ATL2: variants seen among roughly 807,000 people sequenced by gnomAD.
The protein encoded by ATL2 is atlastin-2.
A neutral mutation model predicts 73.9 loss-of-function variants in ATL2; 31 were observed. That is an observed-to-expected ratio of 0.42 (90% confidence interval 0.32 to 0.57). The LOEUF is 0.57. Among genes scored for constraint, ATL2 ranks in the 20% least tolerant of loss-of-function variants. The pLI, the probability that ATL2 is intolerant of heterozygous loss-of-function variation, is 0.14. For missense variants in ATL2, 738 were observed against 702.6 expected (o/e 1.05, Z -0.57); for synonymous variants, 291 against 237.5 (o/e 1.23, Z -2.07).
At chr2:38,320,166 A>T (rs1329615029) in intron 2 of ATL2, among the ~76,000 whole-genome samples, 1 of 152,242 alleles carries the variant, frequency 6.6e-6, no homozygotes. Flanking sequence ...TTGGAGCCTG[A>T]TTTAAACAAA....
At chr2:38,324,879 G>T (rs145199033) in intron 2 of ATL2, among the ~76,000 whole-genome samples, 1 of 152,176 alleles carries the variant, frequency 6.6e-6, no homozygotes, top group Non-Finnish European at 1.5e-5. Flanking sequence ...CAGGGGATTG[G>T]GGAGAGAAAT....
chr2:38,367,609 AAAAAAAACCGC>A (rs1671411741), intron 1 of ATL2, among the ~76,000 whole-genome samples: 3 of 147,624 alleles, frequency 2.0e-5, no homozygotes, highest in Non-Finnish European at 3.0e-5. Context: ...AAAAAAAAAA[AAAAAAAACCGC>A]CCATTTAAAA....
chr2:38,334,899 T>A (rs1478912222), intron 2 of ATL2, among the ~76,000 whole-genome samples: 6 of 112,704 alleles, frequency 5.3e-5, no homozygotes, highest in Non-Finnish European at 1.0e-4. Flanking sequence ...ATAATATATA[T>A]TATTTATAAT....
chr2:38,321,169 T>G (rs755962161), intron 2 of ATL2, among the ~76,000 whole-genome samples: 1 of 151,882 alleles, frequency 6.6e-6, no homozygotes, highest in Non-Finnish European at 1.5e-5. Context: ...AGAGACTGTC[T>G]CAAACAAAAC....
At chr2:38,360,128 CAAA>C (rs755582696) in intron 1 of ATL2, among the ~76,000 whole-genome samples, 2,607 of 81,970 alleles carry the variant, frequency 0.032, 85 homozygotes, top group South Asian at 0.23. Flanking sequence ...GGCTCCATTT[CAAA>C]AAAAAAAAAA....
chr2:38,302,084 G>C (rs1667219677), intron 9 of ATL2, among the ~76,000 whole-genome samples: 1 of 152,184 alleles, frequency 6.6e-6, no homozygotes, highest in African/African-American at 2.4e-5. Flanking sequence ...CACACCCTGG[G>C]CTGGAAGGGA....
chr2:38,293,989 A>C lies in ATL2; in HGVS notation c.*2005T>G, dbSNP rs1240397222. 6.6e-6 allele frequency among the ~76,000 whole-genome samples: 1 copy of C among 152,254 alleles called. No homozygotes were observed. Among genetic ancestry groups the C allele is most frequent in the East Asian group, 1.9e-4 (1 of 5,202 alleles). ...AAAGTAAGCTGTCTTTAATTTCAGA[A>C]AATCTGCTATTATACAACAAATTAT... On this transcript the variant is annotated 3_prime_UTR_variant, in exon 13 of 13. Coordinates refer to ENST00000378954, the MANE Select transcript of ATL2 (RefSeq NM_001135673.4).
intron 9 of ATL2, among the ~76,000 whole-genome samples, chr2:38,306,592 T>C (rs1021883708): frequency 6.6e-6 from 1 of 152,078 alleles, no homozygotes; most frequent in Non-Finnish European, 1.5e-5. Flanking sequence ...AATCAATCAA[T>C]CAATCAGTCA....
chr2:38,300,347 T>C lies in ATL2; in HGVS notation c.1072-19A>G. On this transcript the variant is annotated intron_variant, in intron 9 of 12. Coordinates refer to ENST00000378954, the MANE Select transcript of ATL2 (RefSeq NM_001135673.4). ...TGTAAGCCTAAAAAGGGAGAAGATT[T>C]GTTAGACTGACGGATTATGCAATTT... 6.3e-7 allele frequency: 1 copy of C among 1,586,146 alleles called. No homozygotes were observed. The highest frequency in any genetic ancestry group is 8.7e-7 in the Non-Finnish European group (1 of 1,155,224).
intron 12 of ATL2, among the ~76,000 whole-genome samples, chr2:38,296,922 T>C (rs1433250819): frequency 6.6e-6 from 1 of 152,220 alleles, no homozygotes; most frequent in African/African-American, 2.4e-5. Context: ...ATTGTACAAT[T>C]ATTGAAAATT....
chr2:38,366,182 A>C (rs1449733315), intron 1 of ATL2, among the ~76,000 whole-genome samples: 6 of 152,150 alleles, frequency 3.9e-5, no homozygotes, highest in African/African-American at 1.4e-4. Flanking sequence ...ATTTGAGGGT[A>C]CATGACAGGA....
At chr2:38,377,858 TC>T (rs1404329326), upstream of ATL2, among the ~76,000 whole-genome samples, 5 of 145,750 alleles carry the variant, frequency 3.4e-5, no homozygotes, top group East Asian at 2.1e-4. Context: ...TTGCTTCCCC[TC>T]CCCCCCACCA....
intron 2 of ATL2, among the ~76,000 whole-genome samples, chr2:38,335,768 G>A (rs528543891): frequency 6.6e-6 from 1 of 152,160 alleles, no homozygotes; most frequent in East Asian, 1.9e-4. Context: ...TAGGCCGGGC[G>A]CGGTGGCTCA....
At chr2:38,361,579 A>G (rs1671019156) in intron 1 of ATL2, among the ~76,000 whole-genome samples, 1 of 152,190 alleles carries the variant, frequency 6.6e-6, no homozygotes, top group Non-Finnish European at 1.5e-5. Context: ...TCAACTGCAC[A>G]GTAACATTTT....
At chr2:38,363,306 T>A (rs1056300811) in intron 1 of ATL2, among the ~76,000 whole-genome samples, 1 of 149,028 alleles carries the variant, frequency 6.7e-6, no homozygotes, top group Non-Finnish European at 1.5e-5. Context: ...TGAATTCTTA[T>A]ATGCTCAGTA....
chr2:38,299,396 A>C, intron 10 of ATL2, 69 bp from the exon 11 acceptor site: 1 of 1,431,588 alleles, frequency 7.0e-7, no homozygotes, highest in South Asian at 1.5e-5. Context: ...GATTAACACA[A>C]TAAGTTATGT....
At chr2:38,346,733 C>T (rs764782034) in intron 1 of ATL2, among the ~76,000 whole-genome samples, 10 of 152,158 alleles carry the variant, frequency 6.6e-5, no homozygotes, top group Admixed American at 5.9e-4. Context: ...CAGTAATGCT[C>T]GCTCGCCTGC....
intron 4 of ATL2, among the ~76,000 whole-genome samples, chr2:38,317,200 T>C (rs1183528163): frequency 6.6e-6 from 1 of 152,182 alleles, no homozygotes; most frequent in African/African-American, 2.4e-5. Context: ...TGATCTACCA[T>C]TGATAAGAAC....
intron 1 of ATL2, among the ~76,000 whole-genome samples, chr2:38,364,494 T>C (rs1671191622): frequency 6.6e-6 from 1 of 152,142 alleles, no homozygotes; most frequent in African/African-American, 2.4e-5. Context: ...ACAGTAAAAA[T>C]GGAAGAGCTA....
Sources: allele counts gnomAD v4.1 joint callset (sites outside exome capture counted in the v4.1 genomes callset), GRCh38; gene constraint gnomAD v4.1.1; transcripts MANE v1.5; gene names NCBI Gene and HGNC (gene_info 2026-07-23, HGNC 2026-07-21).